CAPN15: variants seen among roughly 807,000 people sequenced by gnomAD.
The protein encoded by CAPN15 is calpain-15.
CAPN15 carries 53 observed loss-of-function variants against 97.9 expected under a neutral mutation model. The ratio of observed to expected loss-of-function variants is 0.54; its 90% CI spans 0.43 to 0.68. The LOEUF (loss-of-function observed/expected upper bound fraction) is 0.68, where lower values mean the gene tolerates loss of function less well. Ranked by LOEUF, CAPN15 falls within the 30% of genes least tolerant of loss-of-function variation. CAPN15 has a pLI of 0.00. For synonymous variants in CAPN15, 922 were observed against 722.5 expected (o/e 1.28, Z -4.43); for missense variants, 1,592 against 1,589.8 (o/e 1.00, Z -0.02).
intron 3 of CAPN15, among the ~76,000 whole-genome samples, chr16:541,203 G>T (rs1056689770): frequency 6.6e-6 from 1 of 152,260 alleles, no homozygotes; most frequent in Non-Finnish European, 1.5e-5. Context: ...GCCATGGCAG[G>T]TGGCCAGGCC....
intron 4 of CAPN15, among the ~76,000 whole-genome samples, chr16:548,639 G>A (rs1379652614): frequency 6.6e-6 from 1 of 152,238 alleles, no homozygotes; most frequent in East Asian, 1.9e-4. Context: ...ATGTACCCGT[G>A]CTCCGCCCTC....
chr16:546,087 C>T (rs955665343), intron 3 of CAPN15, among the ~76,000 whole-genome samples: 2 of 152,240 alleles, frequency 1.3e-5, no homozygotes, highest in Non-Finnish European at 2.9e-5. Flanking sequence ...CCAGTCCACC[C>T]CCGTCCACTC....
chr16:546,363 G>A (rs1054326951), intron 3 of CAPN15, among the ~76,000 whole-genome samples: 4 of 152,242 alleles, frequency 2.6e-5, no homozygotes, highest in Non-Finnish European at 4.4e-5. Context: ...GTGGTGTGGG[G>A]AGGCCCCTTG....
rs1327699608 is a variant in CAPN15, at chr16:551,545, C to T, written c.2226C>T (p.Phe742=). Residue 742 remains phenylalanine, a synonymous_variant, in exon 9 of 14, where the codon TTC becomes TTT. Coordinates refer to ENST00000219611, the MANE Select transcript of CAPN15 (RefSeq NM_005632.3). ...LLRLRNPWGR[F]SWNGSWSDEW... Reference sequence around the variant, plus strand: ...GGCTCCGAAACCCGTGGGGCCGTTTCTCCTGGAACGGCAGCTGGTCCGACG... The same window carrying T: ...GGCTCCGAAACCCGTGGGGCCGTTTTTCCTGGAACGGCAGCTGGTCCGACG... The T allele has an allele frequency of 2.5e-6, 4 of 1,611,634 alleles. No individual in the cohort carries two copies. Among genetic ancestry groups the T allele is most frequent in the African/African-American group, 2.7e-5 (2 of 74,920 alleles).
At chr16:528,077 G>GGGCGGGGAGCGCGGGCCCGGAGGGC (rs1360328199) in intron 1 of CAPN15, 48 bp downstream of exon 1, 4 of 144,068 alleles carry the variant, frequency 2.8e-5, no homozygotes, top group Admixed American at 1.4e-4. Flanking sequence ...CGGGGACCCC[G>GGGCGGGGAGCGCGGGCCCGGAGGGC]GGCGGGGAGC....
Position 552,002 on chromosome 16 carries a change from A to G in CAPN15, c.2346-49A>G. ...GGTTGCGGTAGGCGCTGAGCCACGG[A>G]GGTGTGGGCCGTGGTAGGCTCAGGG... On this transcript the variant is annotated intron_variant, in intron 9 of 13. Coordinates refer to ENST00000219611, the MANE Select transcript of CAPN15 (RefSeq NM_005632.3). This position sits in a 1 kb window ranked among gnomAD's most constrained non-coding sequence, Gnocchi z 6.4. 2 of 1,519,276 alleles carry G rather than the reference A, an allele frequency of 1.3e-6. No individual in the cohort carries two copies. Among genetic ancestry groups the G allele is most frequent in the South Asian group, 2.4e-5 (2 of 82,632 alleles). The allele number at this position is 1,519,276 out of a possible 1,614,324, so 94.1% of individuals were successfully genotyped here.
rs1186473093 is a variant in CAPN15 at position 553,588 on chromosome 16, C to T, written c.*72C>T. The T allele has an allele frequency of 5.2e-6, 5 of 957,088 alleles. No homozygotes were observed. 59.3% of individuals were successfully genotyped at this position (957,088 alleles called of 1,614,324 possible). ...CCACACGCACTTTATGAGGGAGACC[C>T]CGACAGAGGACGCTTGAGCCAGAAT... On this transcript the variant is annotated 3_prime_UTR_variant, in exon 14 of 14. Coordinates refer to ENST00000219611, the MANE Select transcript of CAPN15 (RefSeq NM_005632.3).
At chr16:540,035 T>G in intron 3 of CAPN15, 9 of 957,146 alleles carry the variant, frequency 9.4e-6, no homozygotes, top group Non-Finnish European at 1.1e-5. Flanking sequence ...AATCATGCTG[T>G]TTCTTCTCTA....
chr16:546,247 C>T (rs1291582677), intron 3 of CAPN15, among the ~76,000 whole-genome samples: 1 of 152,214 alleles, frequency 6.6e-6, no homozygotes, highest in Middle Eastern at 3.2e-3. Context: ...TTTCTTTCTT[C>T]CTGAACCAAA....
At position 551,691 on chromosome 16, in the gene CAPN15, C is replaced by T. The variant is rs373488116; in HGVS notation, c.2345+27C>T. On this transcript the variant is annotated intron_variant, in intron 9 of 13. Coordinates refer to ENST00000219611, the MANE Select transcript of CAPN15 (RefSeq NM_005632.3). ...TATCGGCACCGTGGGGCGGTGTGCA[C>T]GCCGCCCCCGCCCTCCTAGGGCCGA... is the stretch of plus-strand genomic sequence containing the variant. The T allele has an allele frequency of 4.5e-4, 717 of 1,579,330 alleles. 8 individuals are homozygous for T. The South Asian group carries it at 4.9e-3, about 11-fold the overall frequency.
At position 547,206 on chromosome 16, in the gene CAPN15, G is replaced by T. The variant is rs1262506281; in HGVS notation, c.368G>T (p.Cys123Phe). The T allele has an allele frequency of 2.0e-6, 3 of 1,530,858 alleles. No individual in the cohort carries two copies. The East Asian group carries it at 7.1e-5, about 36-fold the overall frequency. The allele number at this position is 1,530,858 out of a possible 1,614,324, so 94.8% of individuals were successfully genotyped here. Residue 123 changes from cysteine (C) to phenylalanine (F), a missense_variant, in exon 4 of 14, where the codon TGC (cysteine) becomes TTC (phenylalanine). Cys to Phe is a radical substitution (Grantham distance 205). Transcript: ENST00000219611. ...LVATEPARGQCEDKDEEEKEE... is the reference protein window; with the variant it reads ...LVATEPARGQFEDKDEEEKEE... ...GCCACGGAGCCCGCCAGGGGGCAGT[G>T]CGAGGACAAGGACGAGGAGGAGAAG... is the stretch of plus-strand genomic sequence containing the variant.
chr16:552,990 T>G lies in CAPN15; in HGVS notation c.3032T>G (p.Val1011Gly). 6.2e-7 allele frequency: 1 copy of G among 1,610,998 alleles called. No homozygotes were observed. The highest frequency in any genetic ancestry group is 8.5e-7 in the Non-Finnish European group (1 of 1,179,046). Residue 1011 changes from valine to glycine, a missense_variant, in exon 13 of 14, where the codon GTG (valine) becomes GGG (glycine). Coordinates refer to ENST00000219611, the MANE Select transcript of CAPN15 (RefSeq NM_005632.3). This position sits in a 1 kb window ranked among gnomAD's most constrained non-coding sequence, Gnocchi z 6.4. ...QCDCTDSFNV[V>G]STRGSLRTQD... is the part of the protein sequence containing the mutation. Reference sequence around the variant, plus strand: ...GACTGCACCGACAGCTTCAACGTGGTGTCCACACGCGGCAGCCTGCGTACC... The same window carrying G: ...GACTGCACCGACAGCTTCAACGTGGGGTCCACACGCGGCAGCCTGCGTACC...
At position 549,315 on chromosome 16, in the gene CAPN15, G is replaced by T. The variant is rs376850088; in HGVS notation, c.1686G>T (p.Ala562=). ...TCCTGAGCGCCCTGGCGGTGCTGGC[G>T]GAGCGGCCGGACCTGGTGGAGCGGG... is the stretch of plus-strand genomic sequence containing the variant. The part of the protein sequence containing the change: ...CWFLSALAVL[A]ERPDLVERVM... The change falls in exon 6 of 14, where the codon GCG becomes GCT. Residue 562 remains alanine (A), a synonymous_variant. Coordinates refer to ENST00000219611, the MANE Select transcript of CAPN15 (RefSeq NM_005632.3). 4.4e-6 allele frequency: 7 copies of T among 1,592,442 alleles called. No homozygotes were observed. In the African/African-American group the frequency reaches 8.0e-5, roughly 18 times the overall value.
intron 7 of CAPN15, among the ~76,000 whole-genome samples, chr16:550,414 G>T (rs961464824): frequency 8.5e-5 from 13 of 152,384 alleles, no homozygotes; most frequent in Admixed American, 1.3e-4. Flanking sequence ...TGCGCTTCAG[G>T]CATGGTGGAG....
intron 1 of CAPN15, among the ~76,000 whole-genome samples, chr16:529,571 C>G (rs988142580): frequency 2.9e-4 from 44 of 152,242 alleles, no homozygotes; most frequent in African/African-American, 1.1e-3. Context: ...CCCGGAAAAT[C>G]CTCCGGAACC....
chr16:549,347 T>G lies in CAPN15; in HGVS notation c.1718T>G (p.Val573Gly). 6.3e-7 allele frequency: 1 copy of G among 1,595,654 alleles called. No homozygotes were observed. Residue 573 changes from valine to glycine, a missense_variant, in exon 6 of 14, where the codon GTC (valine) becomes GGC (glycine). By Grantham distance (109) the Val-to-Gly change is moderately radical. Coordinates refer to ENST00000219611, the MANE Select transcript of CAPN15 (RefSeq NM_005632.3). ...CCGGACCTGGTGGAGCGGGTGATGG[T>G]CACGCGCAGCCTGTGTGCAGAGGGC... ...ERPDLVERVM[V>G]TRSLCAEGAY...
In CAPN15 at chr16:554,405, C is replaced by T; in HGVS notation, c.*889C>T. 2.3e-6 allele frequency: 1 copy of T among 426,696 alleles called. No homozygotes were observed. Among genetic ancestry groups the T allele is most frequent in the South Asian group, 1.7e-5 (1 of 59,526 alleles). The allele number at this position is 426,696 out of a possible 1,614,324, so 26.4% of individuals were successfully genotyped here. Reference sequence around the variant, plus strand: ...GGCCGGCCTCGCCCCCACTCCCCCTCCTACCCCGGCAGGGGCTTCCGGGGC... The same window carrying T: ...GGCCGGCCTCGCCCCCACTCCCCCTTCTACCCCGGCAGGGGCTTCCGGGGC... On this transcript the variant is annotated 3_prime_UTR_variant, in exon 14 of 14. Coordinates refer to ENST00000219611, the MANE Select transcript of CAPN15 (RefSeq NM_005632.3).
At chr16:537,279 C>CGCAGGGGAGCAGGAG (rs1170248213) in intron 3 of CAPN15, 1 of 985,414 alleles carries the variant, frequency 1.0e-6, no homozygotes, top group Non-Finnish European at 1.2e-6. Context: ...TCTGAGTGAG[C>CGCAGGGGAGCAGGAG]GCAGGGGAGC....
chr16:534,792 C>T (rs745350893), intron 2 of CAPN15, among the ~76,000 whole-genome samples: 16 of 152,216 alleles, frequency 1.1e-4, no homozygotes, highest in Non-Finnish European at 2.1e-4. Flanking sequence ...CGCTTTCCAT[C>T]TGCTGCCCCC....
Sources: allele counts gnomAD v4.1 joint callset (sites outside exome capture counted in the v4.1 genomes callset), GRCh38; gene constraint gnomAD v4.1.1; non-coding constraint Gnocchi (gnomAD v3.1); transcripts MANE v1.5; gene names NCBI Gene and HGNC (gene_info 2026-07-23, HGNC 2026-07-21).